The following ITPKB variants were observed in gnomAD, a reference collection of about 807,000 sequenced individuals.
ITPKB encodes IP3 3-kinase B.
In ITPKB, 13 loss-of-function variants were observed where a neutral mutation model predicts 69.4. The observed-to-expected ratio is 0.19, with a 90% confidence interval of 0.12 to 0.30. The LOEUF (loss-of-function observed/expected upper bound fraction) is 0.30. ITPKB is among the 10% of genes least tolerant of loss of function. The pLI is 1.00. For synonymous variants in ITPKB, 584 were observed against 513.7 expected (o/e 1.14, Z -1.85); for missense variants, 1,240 against 1,250.5 (o/e 0.99, Z 0.13).
At chr1:226,639,952 G>A (rs924652268) in intron 5 of ITPKB, among the ~76,000 whole-genome samples, 4 of 152,172 alleles carry the variant, frequency 2.6e-5, no homozygotes, top group Non-Finnish European at 5.9e-5. Context: ...GAGGATGGAG[G>A]AGCATGACCC....
In ITPKB at chr1:226,648,763, T is replaced by C. The variant is rs1420128917; in HGVS notation, c.1941A>G (p.Ser647=). ...GCACCATGTTTTTTATCTTCCTCCA[T>C]GATTTGCTCTAGAAACAAACAAACA... ...LDQQKPRVSK[S]WRKIKNMVHW... The change falls in exon 3 of 8, where the codon TCA becomes TCG. Residue 647 remains serine (S), a synonymous_variant. Coordinates refer to ENST00000429204, the MANE Select transcript of ITPKB (RefSeq NM_002221.4). 6.2e-7 allele frequency: 1 copy of C among 1,602,692 alleles called. No individual in the cohort carries two copies. Among genetic ancestry groups the C allele is most frequent in the African/African-American group, 1.3e-5 (1 of 74,816 alleles).
intron 2 of ITPKB, among the ~76,000 whole-genome samples, chr1:226,677,032 C>T (rs987287483): frequency 2.6e-5 from 4 of 152,220 alleles, no homozygotes; most frequent in African/African-American, 9.6e-5. Flanking sequence ...CTTCTCCAAA[C>T]CTGCAAACCC....
rs931517801 is a variant in ITPKB at position 226,641,654 on chromosome 1, G to A, written c.2451+267C>T. On this transcript the variant is annotated intron_variant, in intron 5 of 7. Coordinates refer to ENST00000429204, the MANE Select transcript of ITPKB (RefSeq NM_002221.4). The surrounding 1 kb of genome is among the most constrained non-coding windows in gnomAD (Gnocchi z 4.6). ...CGCCTGGCTTTCGGTGCCAGGCACC[G>A]TCTGGGCTAAATGGAGAGTCCTCGG... Among the ~76,000 whole-genome samples, 4 of 152,210 alleles carry A rather than the reference G, an allele frequency of 2.6e-5. No individual in the cohort carries two copies. Among genetic ancestry groups the A allele is most frequent in the African/African-American group, 7.2e-5 (3 of 41,458 alleles).
At chr1:226,669,515 A>ACAT (rs2102764971) in intron 2 of ITPKB, among the ~76,000 whole-genome samples, 1 of 152,340 alleles carries the variant, frequency 6.6e-6, no homozygotes, top group South Asian at 2.1e-4. Flanking sequence ...AACAAAGCCA[A>ACAT]CATCACCACA....
At chr1:226,726,724 G>A (rs549995960) in intron 2 of ITPKB, among the ~76,000 whole-genome samples, 1 of 151,962 alleles carries the variant, frequency 6.6e-6, no homozygotes, top group South Asian at 2.1e-4. Flanking sequence ...TTCAGCGGCC[G>A]CATATAGACT....
At chr1:226,686,982 G>T (rs1288965396) in intron 2 of ITPKB, among the ~76,000 whole-genome samples, 1 of 152,218 alleles carries the variant, frequency 6.6e-6, no homozygotes, top group Non-Finnish European at 1.5e-5. Flanking sequence ...CAAGCCTCAG[G>T]CTGGGATGCT....
At chr1:226,659,915 G>A (rs1043136499) in intron 2 of ITPKB, among the ~76,000 whole-genome samples, 7 of 152,288 alleles carry the variant, frequency 4.6e-5, no homozygotes, top group African/African-American at 1.2e-4. Context: ...AGGACCCTGC[G>A]GACCCAGCAC....
intron 2 of ITPKB, among the ~76,000 whole-genome samples, chr1:226,680,928 A>C (rs1656077915): frequency 6.6e-6 from 1 of 152,170 alleles, no homozygotes; most frequent in African/African-American, 2.4e-5. Flanking sequence ...CCCTAAGTGG[A>C]TGTGTTCTTT....
intron 2 of ITPKB, among the ~76,000 whole-genome samples, chr1:226,663,086 A>T (rs1669431765): frequency 6.6e-6 from 1 of 152,052 alleles, no homozygotes; most frequent in African/African-American, 2.4e-5. Flanking sequence ...TATGAGCAAG[A>T]CTCATCAGCT....
chr1:226,691,418 C>A (rs1656350146), intron 2 of ITPKB, among the ~76,000 whole-genome samples: 1 of 152,064 alleles, frequency 6.6e-6, no homozygotes, highest in African/African-American at 2.4e-5. Context: ...TGGGGGGACT[C>A]TGCATGCACA....
At chr1:226,664,810 GA>G (rs1237556098) in intron 2 of ITPKB, among the ~76,000 whole-genome samples, 1 of 152,206 alleles carries the variant, frequency 6.6e-6, no homozygotes, top group Non-Finnish European at 1.5e-5. Context: ...GAGGCGCATG[GA>G]AAGTATTTGC....
intron 4 of ITPKB, among the ~76,000 whole-genome samples, chr1:226,645,737 C>G (rs575113078): frequency 6.6e-6 from 1 of 151,794 alleles, no homozygotes; most frequent in Non-Finnish European, 1.5e-5. Context: ...GCAAAGGCCT[C>G]GGGCTGGCTG....
rs75781043 is a variant in ITPKB, at chr1:226,668,127, T to C, written c.1933-19356A>G. 4.1e-3 allele frequency among the ~76,000 whole-genome samples: 632 copies of C among 152,310 alleles called. 3 individuals are homozygous for C. Among genetic ancestry groups the C allele is most frequent in the Non-Finnish European group, 6.4e-3 (435 of 68,032 alleles). On this transcript the variant is annotated intron_variant, in intron 2 of 7. Coordinates refer to ENST00000429204, the MANE Select transcript of ITPKB (RefSeq NM_002221.4). ...TGAGCTGGCGATTCTGATTTAAACA[T>C]AATCCAACACCTCCCCCAACAACCT... is the stretch of plus-strand genomic sequence containing the variant.
At chr1:226,722,193 T>A (rs995936769) in intron 2 of ITPKB, among the ~76,000 whole-genome samples, 11 of 152,278 alleles carry the variant, frequency 7.2e-5, no homozygotes, top group Non-Finnish European at 1.2e-4. Context: ...AGGCTCAAGG[T>A]TCCTAGCAAC....
At chr1:226,707,582 T>C in intron 2 of ITPKB, 2 of 986,326 alleles carry the variant, frequency 2.0e-6, no homozygotes, top group Non-Finnish European at 2.4e-6. Flanking sequence ...TAAAATGCCA[T>C]CAACATGTTC....
chr1:226,698,658 G>C (rs928800584), intron 2 of ITPKB, among the ~76,000 whole-genome samples: 1 of 152,238 alleles, frequency 6.6e-6, no homozygotes, highest in Admixed American at 6.5e-5. Context: ...GCAGAGGTCA[G>C]ACTAGGAAGA....
chr1:226,665,953 C>T (rs1437542674), intron 2 of ITPKB, among the ~76,000 whole-genome samples: 1 of 152,170 alleles, frequency 6.6e-6, no homozygotes, highest in Non-Finnish European at 1.5e-5. Context: ...AATCACAGGG[C>T]ACTGTGGCCT....
chr1:226,724,694 C>G (rs1249415613), intron 2 of ITPKB, among the ~76,000 whole-genome samples: 1 of 152,194 alleles, frequency 6.6e-6, no homozygotes, highest in Non-Finnish European at 1.5e-5. Context: ...CTTCCCCTCC[C>G]CCTAGAGCTC....
chr1:226,649,450 T>C (rs1016073093), intron 2 of ITPKB, among the ~76,000 whole-genome samples: 5 of 140,822 alleles, frequency 3.6e-5, no homozygotes, highest in African/African-American at 8.0e-5. Flanking sequence ...TGCGTGTGTG[T>C]GCATGTGTGA....
Sources: gnomAD v4.1 joint callset for allele counts (sites outside exome capture counted in the v4.1 genomes callset) on GRCh38, gnomAD v4.1.1 for gene constraint, Gnocchi (gnomAD v3.1) non-coding constraint, MANE v1.5 for transcripts, NCBI Gene and HGNC (gene_info 2026-07-23, HGNC 2026-07-21) for gene names.